Variants in BEST3 observed in about 807,000 individuals in gnomAD.
The protein encoded by BEST3 is bestrophin 3, also known as bestrophin-3.
In BEST3, 50 loss-of-function variants were observed where a neutral mutation model predicts 47.1. That is an observed-to-expected ratio of 1.06 (90% confidence interval 0.85 to 1.34). The LOEUF is 1.34. BEST3 is among the 40% of genes most tolerant of loss of function. The pLI, the probability that BEST3 is intolerant of heterozygous loss-of-function variation, is 0.00. For synonymous variants in BEST3, 282 were observed against 298.8 expected, an observed-to-expected ratio of 0.94 and a Z score of 0.58; for missense variants, 765 against 817.0, an observed-to-expected ratio of 0.94 and a Z score of 0.78.
intron 9 of BEST3, among the ~76,000 whole-genome samples, chr12:69,648,438 T>C (rs1302346480): frequency 6.6e-6 from 1 of 152,182 alleles, no homozygotes; most frequent in African/African-American, 2.4e-5. Flanking sequence ...ATGCATTTTA[T>C]AAGAATGTAT....
rs1422131230 is a variant in BEST3, at chr12:69,697,803, G to T, written c.-5C>A. 6.3e-7 allele frequency: 1 copy of T among 1,598,852 alleles called. No homozygotes were observed. The highest frequency in any genetic ancestry group is 1.4e-5 in the African/African-American group (1 of 73,790). On this transcript the variant is annotated 5_prime_UTR_variant, in exon 2 of 10. Transcript: ENST00000330891. ...ACTGGAGTAAGTGACAGTCATCTTGGATAGTTTTTTCTAGAAGAGCAAGAA... is the reference window on the plus strand; with the variant it reads ...ACTGGAGTAAGTGACAGTCATCTTGTATAGTTTTTTCTAGAAGAGCAAGAA...
chr12:69,670,764 T>TG lies in BEST3; in HGVS notation c.1100+663_1100+664insC, dbSNP rs1555205278. On this transcript the variant is annotated intron_variant, in intron 9 of 9. Coordinates refer to ENST00000330891, the MANE Select transcript of BEST3 (RefSeq NM_032735.3). Reference sequence around the variant, plus strand: ...AAAAGTTTCCCCTTTTGCTACAGTTTTTTTGTTTTGTTTTGTTTTGTTTTG... The same window carrying TG: ...AAAAGTTTCCCCTTTTGCTACAGTTTGTTTTGTTTTGTTTTGTTTTGTTTTG... Among the ~76,000 whole-genome samples the TG allele has an allele frequency of 3.4e-3, 510 of 152,080 alleles. 2 individuals are homozygous for TG. Among genetic ancestry groups the TG allele is most frequent in the Non-Finnish European group, 5.5e-3 (375 of 67,994 alleles).
intron 8 of BEST3, among the ~76,000 whole-genome samples, chr12:69,672,275 G>A (rs563786404): frequency 6.6e-5 from 10 of 152,330 alleles, no homozygotes; most frequent in African/African-American, 2.4e-4. Flanking sequence ...AATGAAAAAT[G>A]TGAAGGCCTT....
At chr12:69,643,731 T>G (rs1423488590) in exon 10 of BEST3, 2 of 715,998 alleles carry the variant, frequency 2.8e-6, no homozygotes, top group Non-Finnish European at 5.2e-6. Flanking sequence ...GAATTGAGGC[T>G]GAGGGAGTGG....
intron 9 of BEST3, among the ~76,000 whole-genome samples, chr12:69,657,359 G>A (rs1034858188): frequency 6.6e-6 from 1 of 152,084 alleles, no homozygotes; most frequent in Non-Finnish European, 1.5e-5. Flanking sequence ...CCCTCCCAAA[G>A]TGCTGGGATT....
downstream of BEST3, among the ~76,000 whole-genome samples, chr12:69,648,817 C>T (rs966794018): frequency 6.6e-6 from 1 of 152,072 alleles, no homozygotes; most frequent in Non-Finnish European, 1.5e-5. Flanking sequence ...TAAACTGACC[C>T]AATCCTTTGT....
At chr12:69,692,953 G>A (rs368186744) in intron 4 of BEST3, among the ~76,000 whole-genome samples, 1 of 152,174 alleles carries the variant, frequency 6.6e-6, no homozygotes, top group Non-Finnish European at 1.5e-5. Context: ...AGTAGAGACA[G>A]GGTTTCACCA....
rs773780993 is a variant in BEST3 at position 69,655,364 on chromosome 12, C to T, written c.1550G>A (p.Gly517Asp). Residue 517 changes from glycine to aspartate, a missense_variant, in exon 10 of 10, where the codon GGC becomes GAC. Physicochemically the swap from Gly to Asp is moderately conservative, Grantham distance 94. Transcript: ENST00000330891. ...AAEAPVPTSG[G>D]YHHDSATSIL... ...GGAGGTAGCGGAATCATGGTGGTAG[C>T]CCCCTGATGTGGGCACTGGTGCTTC... is the stretch of plus-strand genomic sequence containing the variant. The T allele has an allele frequency of 2.2e-5, 36 of 1,614,068 alleles. No homozygotes were observed. In the South Asian group the frequency reaches 4.0e-4, roughly 18 times the overall value.
chr12:69,680,350 C>T (rs1257571228), intron 4 of BEST3, among the ~76,000 whole-genome samples: 1 of 104,212 alleles, frequency 9.6e-6, no homozygotes, highest in Non-Finnish European at 1.9e-5. Context: ...GCTCTGTCAC[C>T]CAGGCTGGAG....
chr12:69,655,052 G>T lies in BEST3; in HGVS notation c.1862C>A (p.Thr621Lys), dbSNP rs1883371407. The change falls in exon 10 of 10, where the codon ACA becomes AAA. Residue 621 changes from threonine (T) to lysine (K), a missense_variant. Transcript: ENST00000330891. ...CCCACTGATCTCTGAGGATGTTTCT[G>T]TGTCAATTAAAAGAGCTGGCTGAGA... ...MSSQPALLIDTETSSEISGIN... is the reference protein window; with the variant it reads ...MSSQPALLIDKETSSEISGIN... The T allele has an allele frequency of 1.2e-6, 2 of 1,614,066 alleles. No individual in the cohort carries two copies. The highest frequency in any genetic ancestry group is 1.3e-5 in the African/African-American group (1 of 74,930).
chr12:69,646,916 A>T (rs1029262757), intron 9 of BEST3, among the ~76,000 whole-genome samples: 2 of 148,650 alleles, frequency 1.3e-5, no homozygotes, highest in Non-Finnish European at 3.0e-5. Flanking sequence ...CGCCACTTCC[A>T]GAAAGTTTTG....
At chr12:69,686,779 C>CAAAAAAAAAAAAAAAAAA (rs71094728) in intron 4 of BEST3, among the ~76,000 whole-genome samples, 1 of 99,376 alleles carries the variant, frequency 1.0e-5, no homozygotes, top group Non-Finnish European at 2.0e-5. Flanking sequence ...CTCAAAAAAA[C>CAAAAAAAAAAAAAAAAAA]AAAAAAAAAA....
chr12:69,695,807 T>C lies in BEST3; in HGVS notation c.153-1343A>G, dbSNP rs570841695. On this transcript the variant is annotated intron_variant, in intron 2 of 9. Coordinates refer to ENST00000330891, the MANE Select transcript of BEST3 (RefSeq NM_032735.3). Reference sequence around the variant, plus strand: ...AAGAGGCATTGTAAAGATTAAATAATATATGTATACATATATATAACCACT... The same window carrying C: ...AAGAGGCATTGTAAAGATTAAATAACATATGTATACATATATATAACCACT... Among the ~76,000 whole-genome samples the C allele has an allele frequency of 2.6e-5, 4 of 152,300 alleles. 1 individual carries two copies. The South Asian group carries it at 6.2e-4, about 24-fold the overall frequency.
chr12:69,685,029 C>CTAT (rs1555208104), intron 4 of BEST3, among the ~76,000 whole-genome samples: 2 of 150,420 alleles, frequency 1.3e-5, no homozygotes, highest in South Asian at 2.1e-4. Context: ...CTATTCTATT[C>CTAT]TATTCTATTG....
At chr12:69,697,944 T>C (rs1401331059) in intron 1 of BEST3, 131 bp from the exon 2 acceptor site, 1 of 693,978 alleles carries the variant, frequency 1.4e-6, no homozygotes, top group Non-Finnish European at 2.3e-6. Flanking sequence ...TCTTTCTTAG[T>C]TTCTATAATT....
intron 8 of BEST3, among the ~76,000 whole-genome samples, 197 bp from the exon 9 acceptor site, chr12:69,671,776 T>G (rs1043813579): frequency 2.6e-5 from 4 of 152,112 alleles, no homozygotes; most frequent in Non-Finnish European, 4.4e-5. Flanking sequence ...TCGAGAGCAC[T>G]TGGCGATGAG....
chr12:69,683,396 A>G (rs1433194517), intron 4 of BEST3: 1 of 152,252 alleles, frequency 6.6e-6, no homozygotes, highest in Non-Finnish European at 1.5e-5. Flanking sequence ...AAAGTGTGAA[A>G]GGAAAATATC....
intron 2 of BEST3, among the ~76,000 whole-genome samples, chr12:69,696,866 A>G (rs529519742): frequency 1.3e-5 from 2 of 152,328 alleles, no homozygotes; most frequent in South Asian, 2.1e-4. Context: ...AGCTTCCTCC[A>G]GAGAAGAAAT....
At chr12:69,661,469 C>T (rs369256324) in intron 9 of BEST3, 4 of 152,080 alleles carry the variant, frequency 2.6e-5, no homozygotes, top group South Asian at 2.1e-4. Context: ...TGGAGGGAGC[C>T]GATAATTTGC....
Sources: allele counts gnomAD v4.1 joint callset (sites outside exome capture counted in the v4.1 genomes callset), GRCh38; gene constraint gnomAD v4.1.1; transcripts MANE v1.5; gene names NCBI Gene and HGNC (gene_info 2026-07-23, HGNC 2026-07-21).